The following PANK2 variants were observed in gnomAD, a reference collection of about 807,000 sequenced individuals.
PANK2 encodes pantothenate kinase 2.
A neutral mutation model predicts 43.1 loss-of-function variants in PANK2; 36 were observed. That is an observed-to-expected ratio of 0.84 (90% confidence interval 0.64 to 1.10). PANK2 has a LOEUF of 1.10. Ranked by LOEUF, PANK2 falls within the 50% of genes least tolerant of loss-of-function variation. PANK2 has a pLI of 0.00. For missense variants in PANK2, 576 were observed against 593.3 expected, an observed-to-expected ratio of 0.97 and a Z score of 0.30; for synonymous variants, 281 against 238.2, an observed-to-expected ratio of 1.18 and a Z score of -1.66.
rs2090679594 is a variant in PANK2, at chr20:3,923,541, T to C, written c.*247T>C. 4 of 563,826 alleles carry C rather than the reference T, an allele frequency of 7.1e-6. No individual in the cohort carries two copies. In the Admixed American group the frequency reaches 9.2e-5, roughly 13 times the overall value. 34.9% of individuals were successfully genotyped at this position (563,826 alleles called of 1,614,324 possible). On this transcript the variant is annotated 3_prime_UTR_variant, in exon 7 of 7. Transcript: ENST00000610179. ...CCAGGCAGTGTGAGGATTTGCTGTA[T>C]ATAAGTTGCCTGCTTTGTATTTTTG...
At chr20:3,918,869 G>T (rs41279404) in intron 6 of PANK2, 73 bp downstream of exon 6, 1 of 1,609,664 alleles carries the variant, frequency 6.2e-7, no homozygotes, top group Non-Finnish European at 8.5e-7. Flanking sequence ...TGGAACTTGA[G>T]GTAGAGGGTG....
chr20:3,909,712 C>T (rs2090438547), intron 2 of PANK2, among the ~76,000 whole-genome samples: 1 of 152,132 alleles, frequency 6.6e-6, no homozygotes, highest in South Asian at 2.1e-4. Context: ...GCCTCAGCCT[C>T]CCGAGTAGCT....
intron 6 of PANK2, among the ~76,000 whole-genome samples, chr20:3,920,260 C>T (rs1178568381): frequency 1.3e-5 from 2 of 151,988 alleles, no homozygotes; most frequent in Non-Finnish European, 2.9e-5. Context: ...GTCTGTAATC[C>T]CAGCACTTTG....
At chr20:3,903,195 A>C (rs2090332327) in intron 1 of PANK2, among the ~76,000 whole-genome samples, 1 of 148,570 alleles carries the variant, frequency 6.7e-6, no homozygotes, top group African/African-American at 2.5e-5. Flanking sequence ...CCCAGGCTGG[A>C]GTACAGTGGT....
Position 3,889,451 on chromosome 20 carries a change from G to T in PANK2, c.21G>T (p.Arg7=). ...CGACGCTGGGGGGCTTGCTCGGGCG[G>T]CAGCGACTGCTGCTGCGGATGGGAG... Residue 7 remains arginine (R), a synonymous_variant, in exon 1 of 7, where the codon CGG becomes CGT. Coordinates refer to ENST00000610179, the MANE Select transcript of PANK2 (RefSeq NM_001386393.1). 1 of 1,549,282 alleles carries T rather than the reference G, an allele frequency of 6.5e-7. No homozygotes were observed. The highest frequency in any genetic ancestry group is 8.7e-7 in the Non-Finnish European group (1 of 1,154,310).
At chr20:3,914,036 G>A (rs370092330) in intron 4 of PANK2, among the ~76,000 whole-genome samples, 100 of 151,846 alleles carry the variant, frequency 6.6e-4, no homozygotes, top group African/African-American at 1.6e-3. Flanking sequence ...TGATCCGCCC[G>A]CCTTGGCCTC....
chr20:3,889,195 C>T (rs530609127), upstream of PANK2: 26 of 1,612,222 alleles, frequency 1.6e-5, no homozygotes, highest in South Asian at 2.0e-4. Context: ...CTCCGCGGAA[C>T]CCGGATCCCC....
chr20:3,890,269 C>G (rs984468264), intron 1 of PANK2, among the ~76,000 whole-genome samples: 2 of 152,180 alleles, frequency 1.3e-5, no homozygotes, highest in African/African-American at 4.8e-5. Context: ...TCGTGAGAAT[C>G]CAGGTCATCT....
At chr20:3,904,465 G>C (rs2090353931) in intron 1 of PANK2, among the ~76,000 whole-genome samples, 1 of 152,072 alleles carries the variant, frequency 6.6e-6, no homozygotes, top group Admixed American at 6.6e-5. Flanking sequence ...TACTTGGGAT[G>C]ATGAGGCAGG....
In PANK2 at chr20:3,908,118, C is replaced by T. The variant is rs2090416148; in HGVS notation, c.491C>T (p.Thr164Ile). The T allele has an allele frequency of 6.2e-7, 1 of 1,614,152 alleles. No homozygotes were observed. ...GTGCACCTCGAGCTGAAGGACCTGA[C>T]TCTGTGTGGACGCAAAGGCAATCTG... Residue 164 changes from threonine to isoleucine, a missense_variant, in exon 2 of 7, where the codon ACT becomes ATT. Thr to Ile is a moderately conservative substitution (Grantham distance 89). This residue lies in a region of PANK2 where 544 missense variants were observed against 528.9 expected (regional missense o/e 1.03). Transcript: ENST00000610179.
intron 1 of PANK2, among the ~76,000 whole-genome samples, chr20:3,899,984 G>A (rs557151578): frequency 1.3e-5 from 2 of 151,898 alleles, no homozygotes; most frequent in South Asian, 4.2e-4. Context: ...GATTACAGGC[G>A]TGAGCCACTG....
At chr20:3,921,201 TCC>T (rs370803612) in intron 6 of PANK2, 2 of 139,080 alleles carry the variant, frequency 1.4e-5, no homozygotes, top group African/African-American at 5.2e-5. Flanking sequence ...CCCTCCCCCC[TCC>T]CCCCACCCCA....
intron 1 of PANK2, among the ~76,000 whole-genome samples, chr20:3,897,655 G>A (rs966426980): frequency 3.3e-5 from 5 of 151,820 alleles, no homozygotes; most frequent in African/African-American, 7.3e-5. Context: ...CCTGGTGATT[G>A]TACCACTGTA....
At chr20:3,891,716 G>A (rs536294532) in intron 1 of PANK2, among the ~76,000 whole-genome samples, 11 of 152,286 alleles carry the variant, frequency 7.2e-5, no homozygotes, top group African/African-American at 2.6e-4. Context: ...TGCAGATTCA[G>A]TGGGCCCAGT....
chr20:3,902,922 C>T (rs543905010), intron 1 of PANK2, among the ~76,000 whole-genome samples: 1 of 150,896 alleles, frequency 6.6e-6, no homozygotes, highest in South Asian at 2.1e-4. Flanking sequence ...ATACAATAAA[C>T]TGCATCCATT....
chr20:3,918,837 G>T, intron 6 of PANK2, 41 bp downstream of exon 6: 1 of 1,614,040 alleles, frequency 6.2e-7, no homozygotes, highest in Non-Finnish European at 8.5e-7. Flanking sequence ...TGTACACAGA[G>T]GGCTTGTGGG....
At chr20:3,897,861 T>C (rs1010607932) in intron 1 of PANK2, among the ~76,000 whole-genome samples, 4 of 151,668 alleles carry the variant, frequency 2.6e-5, no homozygotes, top group South Asian at 2.1e-4. Flanking sequence ...GAAAACTAGC[T>C]GGGCATGGTG....
intron 1 of PANK2, among the ~76,000 whole-genome samples, chr20:3,895,192 C>T (rs1055274711): frequency 1.3e-5 from 2 of 151,952 alleles, no homozygotes; most frequent in African/African-American, 2.4e-5. Context: ...GAGAATCACT[C>T]GAACCCAGGA....
chr20:3,916,901 A>G (rs1267763860), intron 4 of PANK2, 26 bp from the exon 5 acceptor site: 13 of 1,597,586 alleles, frequency 8.1e-6, no homozygotes, highest in Non-Finnish European at 1.1e-5. Flanking sequence ...TGGTTTAGCA[A>G]TGGGATTTTT....
Sources: allele counts gnomAD v4.1 joint callset (sites outside exome capture counted in the v4.1 genomes callset), GRCh38; gene constraint gnomAD v4.1.1; regional missense constraint gnomAD v4.1.1; transcripts MANE v1.5; gene names NCBI Gene and HGNC (gene_info 2026-07-23, HGNC 2026-07-21).